PRPF4: variants seen among roughly 807,000 people sequenced by gnomAD.
The protein encoded by PRPF4 is U4/U6 small nuclear ribonucleoprotein Prp4.
PRPF4 carries 14 observed loss-of-function variants against 72.2 expected under a neutral mutation model. The ratio of observed to expected loss-of-function variants is 0.19; its 90% CI spans 0.13 to 0.30. The LOEUF (loss-of-function observed/expected upper bound fraction) is 0.30, where lower values mean the gene tolerates loss of function less well. Ranked by LOEUF, PRPF4 falls within the 10% of genes least tolerant of loss-of-function variation. The probability of loss-of-function intolerance (pLI) is 1.00; values close to 1 mark genes in which losing one functional copy is unlikely to be tolerated. For synonymous variants in PRPF4, 225 were observed against 232.2 expected (o/e 0.97, Z 0.28); for missense variants, 478 against 653.9 (o/e 0.73, Z 2.93).
At chr9:113,289,763 C>T (rs1425082736) in intron 10 of PRPF4, among the ~76,000 whole-genome samples, 1 of 152,194 alleles carries the variant, frequency 6.6e-6, no homozygotes, top group African/African-American at 2.4e-5. Flanking sequence ...TTCCTATTCT[C>T]TTCCATTGAT....
At chr9:113,279,179 T>C in intron 3 of PRPF4, 48 bp downstream of exon 3, 1 of 1,518,416 alleles carries the variant, frequency 6.6e-7, no homozygotes, top group Non-Finnish European at 8.9e-7. Context: ...AATCACAGGG[T>C]TCTACTCCAA....
intron 3 of PRPF4, among the ~76,000 whole-genome samples, chr9:113,281,032 G>A (rs1490769726): frequency 6.6e-6 from 1 of 151,956 alleles, no homozygotes; most frequent in Non-Finnish European, 1.5e-5. Flanking sequence ...GTAGAGACGG[G>A]GTTTCAACAC....
chr9:113,280,056 C>T (rs935424831), intron 3 of PRPF4, among the ~76,000 whole-genome samples: 2 of 152,124 alleles, frequency 1.3e-5, no homozygotes, highest in African/African-American at 2.4e-5. Context: ...ATTTACTCTT[C>T]AACCTGCTGC....
chr9:113,282,394 C>G (rs1832307896), intron 3 of PRPF4, among the ~76,000 whole-genome samples: 2 of 151,998 alleles, frequency 1.3e-5, no homozygotes, highest in South Asian at 4.2e-4. Context: ...ATCGCTTGAG[C>G]TCAGGAGGTT....
chr9:113,285,283 ACTTGAGCC>A (rs1832401710), intron 7 of PRPF4, among the ~76,000 whole-genome samples: 1 of 144,724 alleles, frequency 6.9e-6, no homozygotes, highest in African/African-American at 2.5e-5. Context: ...CAGGAGGATC[ACTTGAGCC>A]CAGGAGTTTG....
rs151163492 is a variant in PRPF4, at chr9:113,276,972, G to A, written c.205+247G>A. 4.5e-3 allele frequency among the ~76,000 whole-genome samples: 689 copies of A among 151,600 alleles called. 44 individuals are homozygous for A. The East Asian group carries it at 0.12, about 27-fold the overall frequency. On this transcript the variant is annotated intron_variant, in intron 2 of 13. Transcript: ENST00000374198. ...TGGGATTACAGGCGCACACCACCAC[G>A]CCCGGCTAATTTTTGTATATTTAGT...
intron 3 of PRPF4, among the ~76,000 whole-genome samples, chr9:113,280,346 A>G (rs1017382162): frequency 9.2e-5 from 14 of 152,054 alleles, no homozygotes; most frequent in African/African-American, 3.4e-4. Context: ...CTCTACTCCC[A>G]TGGCATCATT....
intron 10 of PRPF4, 121 bp downstream of exon 10, chr9:113,288,385 A>G: frequency 1.1e-6 from 1 of 869,976 alleles, no homozygotes; most frequent in East Asian, 2.7e-5. Flanking sequence ...CTTGGGCTGC[A>G]GGGAATTGGA....
At position 113,280,799 on chromosome 9, in the gene PRPF4, T is replaced by C. The variant is rs118147536; in HGVS notation, c.392+1668T>C. 7.0e-3 allele frequency among the ~76,000 whole-genome samples: 1,073 copies of C among 152,288 alleles called. 9 individuals carry two copies. The highest frequency in any genetic ancestry group is 9.9e-3 in the Non-Finnish European group (673 of 68,000). ...TTTTTATGTCTTTCCACATAATTGG[T>C]CTACTTTTATTCTTCTGTCTTGTCT... is the stretch of plus-strand genomic sequence containing the variant. On this transcript the variant is annotated intron_variant, in intron 3 of 13. Coordinates refer to ENST00000374198, the MANE Select transcript of PRPF4 (RefSeq NM_001244926.2).
intron 7 of PRPF4, among the ~76,000 whole-genome samples, chr9:113,285,613 T>C (rs376480340): frequency 3.3e-4 from 50 of 151,612 alleles, no homozygotes; most frequent in South Asian, 2.7e-3. Flanking sequence ...CTCCTGACCT[T>C]GTGATCTGCC....
chr9:113,281,086 CCT>C (rs1017818951), intron 3 of PRPF4, among the ~76,000 whole-genome samples: 30 of 152,254 alleles, frequency 2.0e-4, no homozygotes, highest in African/African-American at 6.7e-4. Context: ...CCTCTCAACA[CCT>C]CCTCAAGTGA....
intron 2 of PRPF4, among the ~76,000 whole-genome samples, 176 bp downstream of exon 2, chr9:113,276,901 G>A (rs1024965971): frequency 6.6e-6 from 1 of 151,684 alleles, no homozygotes; most frequent in South Asian, 2.1e-4. Flanking sequence ...TGCAACCTCC[G>A]CCTCCCGGGT....
Position 113,276,658 on chromosome 9 carries a change from G to C in PRPF4, c.138G>C (p.Glu46Asp). The C allele has an allele frequency of 6.2e-7, 1 of 1,614,084 alleles. No individual in the cohort carries two copies. Among genetic ancestry groups the C allele is most frequent in the South Asian group, 1.1e-5 (1 of 91,070 alleles). Residue 46 changes from glutamate to aspartate, a missense_variant, in exon 2 of 14, where the codon GAG (glutamate) becomes GAC (aspartate). By Grantham distance (45) the Glu-to-Asp change is conservative (BLOSUM62 2). Transcript: ENST00000374198. ...EKERERLAKGESGILGKDGLK... is the reference protein window; with the variant it reads ...EKERERLAKGDSGILGKDGLK... ...AGAGGGAGCGTCTGGCCAAAGGAGA[G>C]TCTGGGATTTTGGGGAAAGACGGAC...
chr9:113,282,426 C>T (rs983349851), intron 3 of PRPF4, among the ~76,000 whole-genome samples: 8 of 151,750 alleles, frequency 5.3e-5, no homozygotes, highest in Non-Finnish European at 8.8e-5. Context: ...GACCCATGAT[C>T]ATGCCACTGC....
At chr9:113,277,222 G>T (rs1171382345) in intron 2 of PRPF4, among the ~76,000 whole-genome samples, 1 of 152,144 alleles carries the variant, frequency 6.6e-6, no homozygotes, top group Non-Finnish European at 1.5e-5. Context: ...TCTTCTATGA[G>T]TGAGCAGTCT....
At chr9:113,291,397 C>T in intron 13 of PRPF4, 70 bp from the exon 14 acceptor site, 3 of 1,451,654 alleles carry the variant, frequency 2.1e-6, no homozygotes, top group Non-Finnish European at 2.8e-6. Flanking sequence ...TTTTTGCAGA[C>T]TTTTGTGCTT....
chr9:113,277,589 T>C (rs1271229381), intron 2 of PRPF4, among the ~76,000 whole-genome samples: 1 of 152,110 alleles, frequency 6.6e-6, no homozygotes, highest in South Asian at 2.1e-4. Context: ...TTTCACCATG[T>C]TGCCCAGGCT....
At chr9:113,276,787 A>G in intron 2 of PRPF4, 62 bp downstream of exon 2, 1 of 1,497,058 alleles carries the variant, frequency 6.7e-7, no homozygotes, top group Non-Finnish European at 9.0e-7. Flanking sequence ...TTCTAAACTT[A>G]AATACCACAG....
intron 3 of PRPF4, among the ~76,000 whole-genome samples, chr9:113,280,342 T>C (rs143156581): frequency 3.9e-5 from 6 of 152,296 alleles, no homozygotes; most frequent in Admixed American, 3.9e-4. Context: ...TCAGCTCTAC[T>C]CCCATGGCAT....
Sources: allele counts gnomAD v4.1 joint callset (sites outside exome capture counted in the v4.1 genomes callset), GRCh38; gene constraint gnomAD v4.1.1; transcripts MANE v1.5; gene names NCBI Gene and HGNC (gene_info 2026-07-23, HGNC 2026-07-21).